Variants in CUX1 observed in about 807,000 individuals in gnomAD.
The protein encoded by CUX1 is protein CASP.
Under a neutral mutation model 158.8 loss-of-function variants are expected in CUX1, and 31 were observed. The observed-to-expected ratio is 0.20, with a 90% CI of 0.15 to 0.26. CUX1 has a LOEUF of 0.26. Among genes scored for constraint, CUX1 ranks in the 10% least tolerant of loss-of-function variants. The pLI, the probability that CUX1 is intolerant of heterozygous loss-of-function variation, is 1.00. For synonymous variants in CUX1, 879 were observed against 862.1 expected (o/e 1.02, Z -0.34); for missense variants, 1,589 against 2,014.6 (o/e 0.79, Z 4.04).
At chr7:101,909,671 G>A (rs757007518) in intron 1 of CUX1, among the ~76,000 whole-genome samples, 76 of 152,320 alleles carry the variant, frequency 5.0e-4, no homozygotes, top group Non-Finnish European at 7.5e-4. Flanking sequence ...AACATCAGAT[G>A]AACTCACTCT....
chr7:102,175,646 G>A (rs535185427), intron 10 of CUX1, among the ~76,000 whole-genome samples: 4 of 151,906 alleles, frequency 2.6e-5, no homozygotes, highest in South Asian at 2.1e-4. Context: ...CTTTCCTTCC[G>A]ACAAGGTCCC....
chr7:101,911,332 AGCCCTG>A (rs1404693255), intron 1 of CUX1, among the ~76,000 whole-genome samples: 2 of 149,020 alleles, frequency 1.3e-5, no homozygotes, highest in African/African-American at 2.5e-5. Flanking sequence ...GGACGACCTG[AGCCCTG>A]GCCTTGGCCT....
intron 2 of CUX1, among the ~76,000 whole-genome samples, chr7:102,000,336 G>A (rs1056679409): frequency 2.6e-5 from 4 of 152,096 alleles, no homozygotes; most frequent in Admixed American, 6.6e-5. Flanking sequence ...AATAGCAATC[G>A]GACTCTGGAT....
At position 102,250,861 on chromosome 7, in the gene CUX1, C is replaced by G; in HGVS notation, c.*1819C>G. Reference sequence around the variant, plus strand: ...GTGCACACGTAGAGTGCATTACTGCCACCTTTTTCAATAAGCTGTTTTATC... The same window carrying G: ...GTGCACACGTAGAGTGCATTACTGCGACCTTTTTCAATAAGCTGTTTTATC... On this transcript the variant is annotated 3_prime_UTR_variant, in exon 24 of 24. Coordinates refer to ENST00000292535, the MANE Select transcript of CUX1 (RefSeq NM_181552.4). 27 of 985,398 alleles carry G rather than the reference C, an allele frequency of 2.7e-5. No individual in the cohort carries two copies. The highest frequency in any genetic ancestry group is 3.1e-5 in the Non-Finnish European group (26 of 829,942). 61.0% of individuals were successfully genotyped at this position (985,398 alleles called of 1,614,324 possible).
intron 2 of CUX1, among the ~76,000 whole-genome samples, chr7:101,921,310 G>T (rs1804896041): frequency 6.6e-6 from 1 of 152,140 alleles, no homozygotes; most frequent in Non-Finnish European, 1.5e-5. Flanking sequence ...GCTGCGCACA[G>T]GCCTGTCCCT....
Position 102,249,375 on chromosome 7 carries a change from A to G in CUX1, c.*333A>G. 1 of 996,800 alleles carries G rather than the reference A, an allele frequency of 1.0e-6. No individual in the cohort carries two copies. Among genetic ancestry groups the G allele is most frequent in the Non-Finnish European group, 1.2e-6 (1 of 837,196 alleles). 61.7% of individuals were successfully genotyped at this position (996,800 alleles called of 1,614,324 possible). ...CTGCGGGCCACAGGGCAAAATCGCC[A>G]TAGGCCAAGGTGCATATAGAAAACA... is the stretch of plus-strand genomic sequence containing the variant. On this transcript the variant is annotated 3_prime_UTR_variant, in exon 24 of 24. Transcript: ENST00000292535.
At position 102,202,169 on chromosome 7, in the gene CUX1, A is replaced by G. The variant is rs1795518778; in HGVS notation, c.2872A>G (p.Lys958Glu). ...LTRQVKEKLAKNGICQRIFGE... is the reference protein window; with the variant it reads ...LTRQVKEKLAENGICQRIFGE... ...CCGGCAGGTTAAGGAAAAGCTGGCC[A>G]AGAACGGCATCTGCCAGAGAATCTT... Residue 958 changes from lysine (K) to glutamate (E), a missense_variant, in exon 18 of 24, where the codon AAG (lysine) becomes GAG (glutamate). Coordinates refer to ENST00000292535, the MANE Select transcript of CUX1 (RefSeq NM_181552.4). 6.2e-7 allele frequency: 1 copy of G among 1,611,522 alleles called. No individual in the cohort carries two copies. The highest frequency in any genetic ancestry group is 2.2e-5 in the East Asian group (1 of 44,778).
intron 20 of CUX1, among the ~76,000 whole-genome samples, chr7:102,219,757 C>G (rs1797629104): frequency 6.6e-6 from 1 of 152,180 alleles, no homozygotes; most frequent in Non-Finnish European, 1.5e-5. Flanking sequence ...GTGACATCTG[C>G]TAAAGTCGCT....
At chr7:101,906,527 AT>A (rs1166943206) in intron 1 of CUX1, among the ~76,000 whole-genome samples, 5 of 152,088 alleles carry the variant, frequency 3.3e-5, no homozygotes, top group Non-Finnish European at 7.4e-5. Context: ...GGGTGGTCTT[AT>A]CGATGGCCCC....
chr7:102,007,868 C>T (rs914153989), intron 2 of CUX1, among the ~76,000 whole-genome samples: 12 of 151,904 alleles, frequency 7.9e-5, no homozygotes, highest in African/African-American at 2.9e-4. Flanking sequence ...TCTCAGCCTC[C>T]TGAGTAGCTG....
At chr7:101,832,943 G>C (rs1275491315) in intron 1 of CUX1, among the ~76,000 whole-genome samples, 1 of 152,164 alleles carries the variant, frequency 6.6e-6, no homozygotes, top group East Asian at 1.9e-4. Context: ...GGGAGGAGCT[G>C]CTTAGGGGTG....
intron 2 of CUX1, among the ~76,000 whole-genome samples, chr7:102,010,161 G>A (rs1247859671): frequency 2.6e-5 from 4 of 152,140 alleles, no homozygotes; most frequent in African/African-American, 9.6e-5. Context: ...TCGGAGGCGG[G>A]GGTGGGCAGA....
chr7:102,278,662 T>TAAA lies in CUX1; in HGVS notation c.1680+599_1680+601dup, dbSNP rs1416897656. Among the ~76,000 whole-genome samples, 304 of 93,656 alleles carry TAAA rather than the reference T, an allele frequency of 3.2e-3. 3 individuals carry two copies. The highest frequency in any genetic ancestry group is 6.5e-3 in the South Asian group (18 of 2,750). 61.4% of individuals were successfully genotyped at this position (93,656 alleles called of 152,430 possible). A position where few individuals can be genotyped will look rare whatever the true frequency, so the allele number is the denominator to read the frequency against. The stretch of plus-strand genomic sequence containing the variant: ...AATAAAATAAAATAAAATAAAAAAA[T>TAAA]AAAATAAAATATAAAATAAAATAAA... On this transcript the variant is annotated intron_variant, in intron 18 of 22. Transcript: ENST00000292538.
At chr7:101,892,951 C>T (rs1801046855) in intron 1 of CUX1, among the ~76,000 whole-genome samples, 1 of 151,956 alleles carries the variant, frequency 6.6e-6, no homozygotes, top group Non-Finnish European at 1.5e-5. Flanking sequence ...CAGGCCTGAA[C>T]GTGGGCATGT....
At chr7:102,126,177 C>CTCTGTGTGTG (rs139199926) in intron 8 of CUX1, among the ~76,000 whole-genome samples, 24 of 135,464 alleles carry the variant, frequency 1.8e-4, no homozygotes, top group Non-Finnish European at 7.8e-5. Flanking sequence ...CCATTTCCGG[C>CTCTGTGTGTG]TGTGTGTGTG....
At chr7:101,984,079 A>C (rs1813862511) in intron 2 of CUX1, among the ~76,000 whole-genome samples, 1 of 10,064 alleles carries the variant, frequency 9.9e-5, no homozygotes, top group African/African-American at 6.6e-4. Flanking sequence ...TCCCCCCCCA[A>C]AAAAAAAAAA....
In CUX1 at chr7:102,051,402, CTT is replaced by C. The variant is rs374411483; in HGVS notation, c.190-18935_190-18934del. Among the ~76,000 whole-genome samples the C allele has an allele frequency of 1.1e-4, 16 of 151,620 alleles. No homozygotes were observed. In the East Asian group the frequency reaches 2.9e-3, roughly 28 times the overall value. On this transcript the variant is annotated intron_variant, in intron 3 of 23. Transcript: ENST00000292535. ...GTGGCTCATGCCTGTAATCCCAACA[CTT>C]TGAGAGACTGACGCGGGCGTATCAC... is the stretch of plus-strand genomic sequence containing the variant.
intron 4 of CUX1, among the ~76,000 whole-genome samples, chr7:102,091,600 A>C (rs1218279129): frequency 2.0e-5 from 3 of 151,916 alleles, no homozygotes; most frequent in African/African-American, 7.3e-5. Flanking sequence ...CTCCCAAAGC[A>C]CTGGGATTAC....
At chr7:102,231,025 ATTTTTTT>A (rs3077374) in intron 21 of CUX1, among the ~76,000 whole-genome samples, 3 of 106,146 alleles carry the variant, frequency 2.8e-5, no homozygotes, top group Non-Finnish European at 3.8e-5. Context: ...AAGCCCGGCT[ATTTTTTT>A]TTTTTTTTTT....
Sources: allele counts gnomAD v4.1 joint callset (sites outside exome capture counted in the v4.1 genomes callset), GRCh38; gene constraint gnomAD v4.1.1; transcripts MANE v1.5; gene names NCBI Gene and HGNC (gene_info 2026-07-23, HGNC 2026-07-21).